Variants in PTPRE observed in about 807,000 individuals in gnomAD.
PTPRE encodes receptor-type tyrosine-protein phosphatase epsilon.
PTPRE carries 51 observed loss-of-function variants against 102.0 expected under a neutral mutation model. The ratio of observed to expected loss-of-function variants is 0.50; its 90% CI spans 0.40 to 0.63. The LOEUF (loss-of-function observed/expected upper bound fraction) is 0.63, where lower values mean the gene tolerates loss of function less well. Among genes scored for constraint, PTPRE ranks in the 30% least tolerant of loss-of-function variants. PTPRE has a pLI of 0.00. For synonymous variants in PTPRE, 345 were observed against 348.2 expected (o/e 0.99, Z 0.10); for missense variants, 752 against 915.1 (o/e 0.82, Z 2.30).
intron 2 of PTPRE, among the ~76,000 whole-genome samples, chr10:128,034,325 A>ACCCCCCCCCCCCCCCCCCCCC (rs58597055): frequency 6.8e-6 from 1 of 147,058 alleles, no homozygotes; most frequent in African/African-American, 2.6e-5. Flanking sequence ...CCTCCACACC[A>ACCCCCCCCCCCCCCCCCCCCC]CCCCCCCCAC....
At chr10:127,966,513 A>G (rs1850264239) in intron 1 of PTPRE, among the ~76,000 whole-genome samples, 1 of 152,160 alleles carries the variant, frequency 6.6e-6, no homozygotes, top group Non-Finnish European at 1.5e-5. Flanking sequence ...ACATTACCAC[A>G]TACACCCCAT....
chr10:127,961,699 G>A (rs377059081), intron 1 of PTPRE, among the ~76,000 whole-genome samples: 31 of 152,254 alleles, frequency 2.0e-4, no homozygotes, highest in East Asian at 5.8e-4. Context: ...TCTCCCCAGC[G>A]TCTTGTCTGT....
At chr10:128,063,003 A>C (rs1189884513) in intron 9 of PTPRE, 80 bp from the exon 10 acceptor site, 1 of 1,586,774 alleles carries the variant, frequency 6.3e-7, no homozygotes, top group African/African-American at 1.3e-5. Flanking sequence ...CCAGGGGCCA[A>C]CGGCCAGGGT....
At chr10:127,967,816 C>T (rs1215890291) in intron 1 of PTPRE, among the ~76,000 whole-genome samples, 4 of 152,194 alleles carry the variant, frequency 2.6e-5, no homozygotes, top group Non-Finnish European at 5.9e-5. Flanking sequence ...GCCTCCCTTC[C>T]AGGGGTAACC....
intron 20 of PTPRE, among the ~76,000 whole-genome samples, chr10:128,081,690 A>C (rs959347488): frequency 6.6e-6 from 1 of 152,210 alleles, no homozygotes; most frequent in Non-Finnish European, 1.5e-5. Context: ...TTCCTTCTGA[A>C]GGCTGGGTGA....
intron 2 of PTPRE, among the ~76,000 whole-genome samples, chr10:128,037,949 T>C (rs1274181484): frequency 6.9e-6 from 1 of 144,340 alleles, no homozygotes; most frequent in East Asian, 2.1e-4. Context: ...TGCCACCATG[T>C]CCGGCTAATT....
intron 2 of PTPRE, among the ~76,000 whole-genome samples, chr10:127,988,222 G>A (rs1385153964): frequency 6.6e-6 from 1 of 152,166 alleles, no homozygotes; most frequent in Non-Finnish European, 1.5e-5. Flanking sequence ...TCCCCTGGGG[G>A]TGGCCCCCTG....
intron 2 of PTPRE, among the ~76,000 whole-genome samples, chr10:128,030,174 A>G (rs1304101807): frequency 6.6e-6 from 1 of 151,996 alleles, no homozygotes; most frequent in Non-Finnish European, 1.5e-5. Flanking sequence ...AGCAAACACC[A>G]CCGTTCGCTT....
chr10:128,063,549 G>A (rs182143126), intron 10 of PTPRE, among the ~76,000 whole-genome samples: 43 of 152,294 alleles, frequency 2.8e-4, no homozygotes, highest in Admixed American at 7.2e-4. Context: ...ACATGATTTC[G>A]CGCTTATTAT....
At position 128,078,969 on chromosome 10, in the gene PTPRE, G is replaced by C. The variant is rs1344762552; in HGVS notation, c.1893-591G>C. Among the ~76,000 whole-genome samples the C allele has an allele frequency of 2.0e-5, 3 of 152,184 alleles. No homozygotes were observed. The East Asian group carries it at 5.8e-4, about 29-fold the overall frequency. On this transcript the variant is annotated intron_variant, in intron 19 of 20. Coordinates refer to ENST00000254667, the MANE Select transcript of PTPRE (RefSeq NM_006504.6). ...CAGTACACCTGGGCTCTCCTACGAG[G>C]GCCTGGGCTCTGCTCTTGTGGGGTT...
At chr10:128,033,629 T>C (rs1846955267) in intron 2 of PTPRE, among the ~76,000 whole-genome samples, 2 of 152,202 alleles carry the variant, frequency 1.3e-5, no homozygotes, top group Non-Finnish European at 2.9e-5. Context: ...TTGATTATGG[T>C]GTACACATCA....
chr10:128,034,326 C>T (rs994005869), intron 2 of PTPRE, among the ~76,000 whole-genome samples: 2 of 117,576 alleles, frequency 1.7e-5, no homozygotes, highest in African/African-American at 6.3e-5. Context: ...CTCCACACCA[C>T]CCCCCCCACC....
intron 1 of PTPRE, among the ~76,000 whole-genome samples, chr10:127,916,338 C>T (rs1846207021): frequency 2.0e-5 from 3 of 152,148 alleles, no homozygotes; most frequent in Non-Finnish European, 4.4e-5. Flanking sequence ...GGCTCTTCCC[C>T]CTTCACTTCA....
At chr10:128,037,181 G>A (rs1405694154) in intron 2 of PTPRE, among the ~76,000 whole-genome samples, 3 of 152,184 alleles carry the variant, frequency 2.0e-5, no homozygotes, top group Non-Finnish European at 4.4e-5. Context: ...ATCTAGCATA[G>A]CATTGAGGAC....
At chr10:127,992,870 C>T (rs1028348138) in intron 2 of PTPRE, among the ~76,000 whole-genome samples, 6 of 152,182 alleles carry the variant, frequency 3.9e-5, no homozygotes, top group Admixed American at 1.3e-4. Context: ...GTAATAACCG[C>T]GTAAGTGGGA....
rs1334679783 is a variant in PTPRE at position 127,970,597 on chromosome 10, T to C, written c.-30-11677T>C. Among the ~76,000 whole-genome samples, 5 of 151,986 alleles carry C rather than the reference T, an allele frequency of 3.3e-5. No individual in the cohort carries two copies. In the South Asian group the frequency reaches 6.3e-4, roughly 19 times the overall value. ...AATAAATATCTGCTGAGCCGTGGAT[T>C]ACACAGTAGAGCCACCGATGAAATG... On this transcript the variant is annotated intron_variant, in intron 1 of 20. Coordinates refer to ENST00000254667, the MANE Select transcript of PTPRE (RefSeq NM_006504.6).
intron 6 of PTPRE, among the ~76,000 whole-genome samples, chr10:128,050,723 T>C (rs954718250): frequency 1.3e-5 from 2 of 152,214 alleles, no homozygotes; most frequent in African/African-American, 4.8e-5. Context: ...TGAAGCTGTC[T>C]TCCACCACCT....
chr10:127,999,471 A>G (rs1853646539), intron 2 of PTPRE: 1 of 915,622 alleles, frequency 1.1e-6, no homozygotes, highest in African/African-American at 1.8e-5. Flanking sequence ...TGTGAATCCA[A>G]CTCGTCCTGG....
rs536506716 is a variant in PTPRE, at chr10:128,085,127, G to C, written c.*2221G>C. The C allele has an allele frequency of 6.6e-6, 3 of 455,958 alleles. No homozygotes were observed. The highest frequency in any genetic ancestry group is 4.0e-5 in the African/African-American group (2 of 50,050). 28.2% of individuals were successfully genotyped at this position (455,958 alleles called of 1,614,324 possible). ...CGCAAGACTCTCCCCTCCACTGTCC[G>C]GGACAGCGTTCGCCCTTTAGCGGGG... On this transcript the variant is annotated 3_prime_UTR_variant, in exon 21 of 21. Coordinates refer to ENST00000254667, the MANE Select transcript of PTPRE (RefSeq NM_006504.6).
Sources: gnomAD v4.1 joint callset for allele counts (sites outside exome capture counted in the v4.1 genomes callset) on GRCh38, gnomAD v4.1.1 for gene constraint, MANE v1.5 for transcripts, NCBI Gene and HGNC (gene_info 2026-07-23, HGNC 2026-07-21) for gene names.